The following TENM1 variants were observed in gnomAD, a reference collection of about 807,000 sequenced individuals.
The protein encoded by TENM1 is teneurin transmembrane protein 1.
TENM1 carries 35 observed loss-of-function variants against 174.8 expected under a neutral mutation model. That is an observed-to-expected ratio of 0.20 (90% CI 0.15 to 0.27). The LOEUF (loss-of-function observed/expected upper bound fraction) is 0.27. Among genes scored for constraint, TENM1 ranks in the 10% least tolerant of loss-of-function variants. TENM1 has a pLI of 1.00. For missense variants in TENM1, 1,633 were observed against 2,130.1 expected, an observed-to-expected ratio of 0.77 and a Z score of 4.59; for synonymous variants, 781 against 798.7, an observed-to-expected ratio of 0.98 and a Z score of 0.37.
intron 1 of TENM1, among the ~76,000 whole-genome samples, chrX:124,960,102 C>T (rs1031074061): frequency 1.8e-5 from 2 of 111,896 alleles, no homozygotes; most frequent in Non-Finnish European, 3.8e-5. Context: ...TTTTCTGATG[C>T]TTAAAGGGAA....
exon 32 of TENM1, chrX:124,380,064 T>C (rs1488643362): frequency 8.8e-6 from 1 of 113,583 alleles, no homozygotes; most frequent in African/African-American, 3.2e-5. Flanking sequence ...TGTTTTTAAG[T>C]TTCCTATAAC....
Position 124,779,126 on chromosome X carries a change from T to G in TENM1, c.536-41929A>C, listed in dbSNP as rs529936646. On this transcript the variant is annotated intron_variant, in intron 3 of 31. Transcript: ENST00000422452. ...CTGTAGAGAGTCTTATTCTAACAAC[T>G]AGTATTTTACAGTAAGTTTCTGATG... is the stretch of plus-strand genomic sequence containing the variant. Among the ~76,000 whole-genome samples the G allele has an allele frequency of 2.1e-4, 23 of 111,871 alleles. No individual in the cohort carries two copies. The South Asian group carries it at 6.0e-3, about 29-fold the overall frequency.
chrX:124,495,865 A>C (rs1036644736), intron 20 of TENM1, among the ~76,000 whole-genome samples: 9 of 104,156 alleles, frequency 8.6e-5, no homozygotes, highest in Admixed American at 2.1e-4. Context: ...ATTGGAAAAA[A>C]CTATTTTAAA....
chrX:124,653,741 A>G, exon 7 of TENM1: 1 of 1,211,717 alleles, frequency 8.3e-7, no homozygotes, highest in Non-Finnish European at 1.1e-6. Flanking sequence ...CTGTGCACCA[A>G]TGTCAACTTC....
At chrX:124,682,563 G>A (rs1411006153) in intron 5 of TENM1, among the ~76,000 whole-genome samples, 3 of 110,949 alleles carry the variant, frequency 2.7e-5, no homozygotes, top group African/African-American at 9.8e-5. Flanking sequence ...AATCCAGTAT[G>A]GTTTAGAAAG....
chrX:124,876,578 T>C (rs751387240), intron 3 of TENM1, among the ~76,000 whole-genome samples: 1 of 112,232 alleles, frequency 8.9e-6, no homozygotes, highest in East Asian at 2.8e-4. Flanking sequence ...TTGGAAGCTT[T>C]CATTTAATTA....
chrX:124,915,655 C>T (rs1458355279), intron 1 of TENM1, among the ~76,000 whole-genome samples: 1 of 112,333 alleles, frequency 8.9e-6, no homozygotes, highest in African/African-American at 3.2e-5. Context: ...AGCAGTGTAT[C>T]TCAAAAGCAT....
At chrX:125,070,622 C>T in the TENM1 span, among the ~76,000 whole-genome samples, 2 of 111,347 alleles carry the variant, frequency 1.8e-5, no homozygotes, top group Non-Finnish European at 3.8e-5. Context: ...ACTATCAAGC[C>T]GTATGACCTT....
At chrX:125,162,441 C>T in the TENM1 span, among the ~76,000 whole-genome samples, 2 of 111,784 alleles carry the variant, frequency 1.8e-5, no homozygotes, top group African/African-American at 3.2e-5. Flanking sequence ...AAATGAAGTT[C>T]ACCAATGTGC....
intron 11 of TENM1, among the ~76,000 whole-genome samples, chrX:124,628,870 G>A (rs1275438836): frequency 1.8e-5 from 2 of 111,597 alleles, no homozygotes; most frequent in Non-Finnish European, 3.8e-5. Flanking sequence ...CTTCAGTGAG[G>A]TCTTCTTAAA....
intron 7 of TENM1, among the ~76,000 whole-genome samples, chrX:124,652,421 C>T (rs56670054): frequency 0.023 from 2,538 of 111,134 alleles, 24 homozygotes; most frequent in African/African-American, 0.045. Context: ...CATATTTAAA[C>T]TCAAAAACAT....
chrX:124,542,609 C>G (rs998182929), intron 15 of TENM1, among the ~76,000 whole-genome samples: 1 of 111,315 alleles, frequency 9.0e-6, no homozygotes, highest in Non-Finnish European at 1.9e-5. Context: ...AAAATTTACT[C>G]TAAGTTATAG....
the TENM1 span, among the ~76,000 whole-genome samples, chrX:125,152,252 TAAA>T: frequency 1.0e-5 from 1 of 97,888 alleles, no homozygotes; most frequent in African/African-American, 3.7e-5. Context: ...TTTGTATTTT[TAAA>T]AAAAAAAAAA....
intron 5 of TENM1, among the ~76,000 whole-genome samples, chrX:124,695,029 C>T (rs778809827): frequency 3.6e-5 from 4 of 111,698 alleles, no homozygotes; most frequent in African/African-American, 6.5e-5. Flanking sequence ...AATTACGTAA[C>T]GGAGATATAA....
chrX:124,761,906 C>G lies in TENM1; in HGVS notation c.536-24709G>C, dbSNP rs981760262. 1.6e-4 allele frequency among the ~76,000 whole-genome samples: 18 copies of G among 111,685 alleles called. 1 individual carries two copies. The East Asian group carries it at 4.8e-3, about 30-fold the overall frequency. ...TCTGATTACAAGTGAAGTGGAGCAT[C>G]TTAAAAACAGTTTGTTAGCCATTTA... On this transcript the variant is annotated intron_variant, in intron 3 of 31. Coordinates refer to ENST00000422452, the Ensembl canonical transcript of TENM1.
chrX:124,406,749 G>A (rs2147681877), intron 25 of TENM1, among the ~76,000 whole-genome samples: 1 of 111,656 alleles, frequency 9.0e-6, no homozygotes, highest in South Asian at 3.8e-4. Context: ...TCACCAGGGT[G>A]GAACACTGAT....
intron 3 of TENM1, among the ~76,000 whole-genome samples, chrX:124,843,998 T>C (rs1397116152): frequency 8.9e-6 from 1 of 111,783 alleles, no homozygotes; most frequent in East Asian, 2.8e-4. Context: ...AAGAACTTCA[T>C]CTACTTCTCG....
chrX:124,806,905 C>T (rs1272300576), intron 3 of TENM1, among the ~76,000 whole-genome samples: 2 of 111,090 alleles, frequency 1.8e-5, no homozygotes, highest in South Asian at 3.8e-4. Context: ...TAAAGAAATA[C>T]CTGAGGCTAG....
At chrX:124,782,474 G>A (rs2054935968) in intron 3 of TENM1, among the ~76,000 whole-genome samples, 1 of 110,532 alleles carries the variant, frequency 9.0e-6, no homozygotes, top group Non-Finnish European at 1.9e-5. Context: ...CATACCCTAT[G>A]CTTCAACCAA....
Sources: gnomAD v4.1 joint callset for allele counts (sites outside exome capture counted in the v4.1 genomes callset) on GRCh38, gnomAD v4.1.1 for gene constraint, MANE v1.5 for transcripts, NCBI Gene and HGNC (gene_info 2026-07-23, HGNC 2026-07-21) for gene names.